Variants in HSF2BP observed in about 807,000 individuals in gnomAD.
HSF2BP encodes heat shock factor 2-binding protein.
In HSF2BP, 35 loss-of-function variants were observed where a neutral mutation model predicts 35.0. The observed-to-expected ratio is 1.00, with a 90% confidence interval of 0.76 to 1.32. The LOEUF (loss-of-function observed/expected upper bound fraction) is 1.32. Among genes scored for constraint, HSF2BP ranks in the 40% most tolerant of loss-of-function variants. The pLI is 0.00. For synonymous variants in HSF2BP, 114 were observed against 117.4 expected, an observed-to-expected ratio of 0.97 and a Z score of 0.18; for missense variants, 326 against 321.7, an observed-to-expected ratio of 1.01 and a Z score of -0.10.
intron 4 of HSF2BP, among the ~76,000 whole-genome samples, chr21:43,634,466 C>G (rs1294963322): frequency 1.3e-5 from 2 of 152,116 alleles, no homozygotes; most frequent in African/African-American, 4.8e-5. Context: ...TAATTAGTTA[C>G]ATAAACCACA....
chr21:43,574,877 C>CGATGAAG (rs2081622470), intron 8 of HSF2BP, among the ~76,000 whole-genome samples: 2 of 152,288 alleles, frequency 1.3e-5, no homozygotes, highest in African/African-American at 4.8e-5. Context: ...TCTTCTCTCC[C>CGATGAAG]GATGAAGGGA....
chr21:43,640,214 C>T (rs79450699), intron 4 of HSF2BP, among the ~76,000 whole-genome samples: 6,231 of 152,214 alleles, frequency 0.041, 435 homozygotes, highest in African/African-American at 0.14. Context: ...CATGGGAGGA[C>T]TGCTTTGGCC....
At chr21:43,572,086 GC>G (rs1053482243) in intron 8 of HSF2BP, among the ~76,000 whole-genome samples, 7 of 152,212 alleles carry the variant, frequency 4.6e-5, no homozygotes, top group African/African-American at 1.7e-4. Context: ...AGGACGCATG[GC>G]CTGACTGGAC....
chr21:43,634,646 C>CG (rs1407400396), intron 4 of HSF2BP, among the ~76,000 whole-genome samples: 1 of 152,114 alleles, frequency 6.6e-6, no homozygotes, highest in African/African-American at 2.4e-5. Flanking sequence ...TACCTGGAGA[C>CG]AATGCGTTTG....
At position 43,616,244 on chromosome 21, in the gene HSF2BP, T is replaced by C. The variant is rs560253268; in HGVS notation, c.575-2297A>G. ...TTCCAAGGATGGACAGGAAGAAGCC[T>C]TAAGATTTCCACTTTGGTCTCCTGC... On this transcript the variant is annotated intron_variant, in intron 6 of 8. Transcript: ENST00000291560. Among the ~76,000 whole-genome samples, 5 of 152,202 alleles carry C rather than the reference T, an allele frequency of 3.3e-5. No homozygotes were observed. The East Asian group carries it at 9.7e-4, about 29-fold the overall frequency.
intron 5 of HSF2BP, among the ~76,000 whole-genome samples, chr21:43,631,066 C>T (rs557000468): frequency 6.6e-6 from 1 of 152,222 alleles, no homozygotes; most frequent in South Asian, 2.1e-4. Flanking sequence ...TAATCTAAAA[C>T]TGGGTTGTGG....
intron 3 of HSF2BP, among the ~76,000 whole-genome samples, chr21:43,647,179 G>A (rs2082719786): frequency 1.3e-5 from 2 of 152,014 alleles, no homozygotes; most frequent in African/African-American, 4.8e-5. Flanking sequence ...AATATGAACA[G>A]TGAATATTAC....
intron 5 of HSF2BP, 44 bp downstream of exon 5, chr21:43,633,228 A>C (rs747500368): frequency 6.3e-7 from 1 of 1,581,280 alleles, no homozygotes; most frequent in Non-Finnish European, 8.6e-7. Context: ...AATTTACACA[A>C]GCAGTAATCA....
At chr21:43,651,138 T>TC (rs2082780208) in intron 3 of HSF2BP, among the ~76,000 whole-genome samples, 1 of 152,140 alleles carries the variant, frequency 6.6e-6, no homozygotes, top group Non-Finnish European at 1.5e-5. Flanking sequence ...TCTCTTCATT[T>TC]CCCCAAGGGT....
At chr21:43,572,696 T>G (rs1329852458) in intron 8 of HSF2BP, among the ~76,000 whole-genome samples, 1 of 152,218 alleles carries the variant, frequency 6.6e-6, no homozygotes, top group Non-Finnish European at 1.5e-5. Context: ...ACCAATGATG[T>G]CTGGCAAAAA....
intron 3 of HSF2BP, among the ~76,000 whole-genome samples, chr21:43,654,553 C>T (rs755494989): frequency 9.9e-5 from 15 of 152,134 alleles, no homozygotes; most frequent in Non-Finnish European, 1.8e-4. Context: ...CACAGTTTCT[C>T]GGTGTTCTGG....
At chr21:43,655,882 C>T (rs1011309578) in intron 3 of HSF2BP, among the ~76,000 whole-genome samples, 2 of 152,212 alleles carry the variant, frequency 1.3e-5, no homozygotes, top group African/African-American at 4.8e-5. Flanking sequence ...GGTGAGCTAT[C>T]TTCTTGTCTG....
At position 43,589,369 on chromosome 21, in the gene HSF2BP, A is replaced by G. The variant is rs546635628; in HGVS notation, c.796+2856T>C. ...TTGTGTCTCGACAATATCTAAATAA[A>G]TGAAGACATATACTTGTGTTCATGG... On this transcript the variant is annotated intron_variant, in intron 8 of 8. Coordinates refer to ENST00000291560, the MANE Select transcript of HSF2BP (RefSeq NM_007031.2). Among the ~76,000 whole-genome samples, 15 of 152,342 alleles carry G rather than the reference A, an allele frequency of 9.8e-5. No individual in the cohort carries two copies. In the South Asian group the frequency reaches 3.1e-3, roughly 32 times the overall value.
intron 5 of HSF2BP, among the ~76,000 whole-genome samples, chr21:43,632,294 T>C (rs1601699383): frequency 7.9e-5 from 2 of 25,468 alleles, no homozygotes; most frequent in Non-Finnish European, 7.1e-5. Flanking sequence ...ACACACAGGC[T>C]CCCACATACA....
intron 7 of HSF2BP, among the ~76,000 whole-genome samples, chr21:43,606,909 A>G (rs1222693735): frequency 6.6e-6 from 1 of 152,196 alleles, no homozygotes; most frequent in African/African-American, 2.4e-5. Flanking sequence ...TTCATTAAAA[A>G]TAAAAATGGG....
chr21:43,593,325 C>A (rs549986215), intron 7 of HSF2BP, among the ~76,000 whole-genome samples: 1 of 152,220 alleles, frequency 6.6e-6, no homozygotes, highest in Admixed American at 6.5e-5. Context: ...ATAAAACAGA[C>A]CTGGGATAGA....
the HSF2BP span, among the ~76,000 whole-genome samples, chr21:43,467,825 CCACA>C: frequency 1.6e-3 from 166 of 101,294 alleles, 4 homozygotes; most frequent in African/African-American, 5.3e-3. Flanking sequence ...CACACACACA[CCACA>C]CACACCACAC....
chr21:43,604,622 CCACA>C (rs931125075), intron 7 of HSF2BP, among the ~76,000 whole-genome samples: 18 of 144,976 alleles, frequency 1.2e-4, no homozygotes, highest in African/African-American at 2.6e-4. Context: ...ACATCATACA[CCACA>C]CAATCATACA....
At chr21:43,653,392 C>G (rs1349901473) in intron 3 of HSF2BP, among the ~76,000 whole-genome samples, 1 of 152,052 alleles carries the variant, frequency 6.6e-6, no homozygotes, top group African/African-American at 2.4e-5. Context: ...GAGATAATGA[C>G]AGATAAAATC....
Sources: gnomAD v4.1 joint callset for allele counts (sites outside exome capture counted in the v4.1 genomes callset) on GRCh38, gnomAD v4.1.1 for gene constraint, MANE v1.5 for transcripts, NCBI Gene and HGNC (gene_info 2026-07-23, HGNC 2026-07-21) for gene names.